Variants in TRAK1 observed in about 807,000 individuals in gnomAD.
TRAK1 encodes the protein trafficking kinesin protein 1, also known as trafficking kinesin-binding protein 1.
Under a neutral mutation model 92.1 loss-of-function variants are expected in TRAK1, and 33 were observed. The ratio of observed to expected loss-of-function variants is 0.36; its 90% CI spans 0.27 to 0.48. The LOEUF is 0.48. TRAK1 is among the 20% of genes least tolerant of loss of function. The pLI is 0.99. For synonymous variants in TRAK1, 521 were observed against 517.3 expected (o/e 1.01, Z -0.10); for missense variants, 1,123 against 1,257.9 (o/e 0.89, Z 1.62).
intron 1 of TRAK1, among the ~76,000 whole-genome samples, chr3:42,118,146 C>T (rs1487453339): frequency 3.3e-5 from 5 of 151,718 alleles, no homozygotes; most frequent in South Asian, 2.1e-4. Context: ...TGCAGTGCTG[C>T]GATCTTGGCT....
rs368713549 is a variant in TRAK1, at chr3:42,223,920, A to G, written c.*183A>G. 6.9e-6 allele frequency: 5 copies of G among 728,836 alleles called. No individual in the cohort carries two copies. Among genetic ancestry groups the G allele is most frequent in the Admixed American group, 2.7e-5 (1 of 37,474 alleles). The allele number at this position is 728,836 out of a possible 1,614,324, so 45.1% of individuals were successfully genotyped here. ...TGTGGAAACTTTGTAAAATGTGTAC[A>G]TAGGACTTGGAGACCTTGTGTCCGC... On this transcript the variant is annotated 3_prime_UTR_variant, in exon 16 of 16. Transcript: ENST00000327628. This position sits in a 1 kb window ranked among gnomAD's most constrained non-coding sequence, Gnocchi z 6.1.
intron 1 of TRAK1, among the ~76,000 whole-genome samples, chr3:42,047,301 T>A (rs1484618313): frequency 6.7e-6 from 1 of 149,844 alleles, no homozygotes; most frequent in African/African-American, 2.4e-5. Flanking sequence ...GCTCAAGTGA[T>A]CCTCCCACCT....
At chr3:42,157,487 A>AAAAAAAAAAAAAAAAAAT (rs1700690997) in intron 2 of TRAK1, among the ~76,000 whole-genome samples, 1 of 146,568 alleles carries the variant, frequency 6.8e-6, no homozygotes, top group South Asian at 2.2e-4. Flanking sequence ...AAAAAAAAAA[A>AAAAAAAAAAAAAAAAAAT]AAGGTTAACA....
At chr3:42,086,953 G>A (rs1254858860), upstream of TRAK1, among the ~76,000 whole-genome samples, 2 of 152,172 alleles carry the variant, frequency 1.3e-5, no homozygotes, top group Non-Finnish European at 2.9e-5. Flanking sequence ...TTGAAACTAA[G>A]CAATGTGATT....
At chr3:42,034,361 G>A (rs904174616) in intron 1 of TRAK1, among the ~76,000 whole-genome samples, 4 of 152,052 alleles carry the variant, frequency 2.6e-5, no homozygotes, top group African/African-American at 9.7e-5. Context: ...GCACAATCAC[G>A]GCTCACTGCA....
At chr3:42,095,035 C>G (rs1705699849) in intron 1 of TRAK1, among the ~76,000 whole-genome samples, 1 of 152,242 alleles carries the variant, frequency 6.6e-6, no homozygotes, top group African/African-American at 2.4e-5. Context: ...CCTGCTTATT[C>G]ATGTTCATCT....
chr3:42,137,333 T>TAG (rs1391401376), intron 2 of TRAK1, among the ~76,000 whole-genome samples: 1 of 152,236 alleles, frequency 6.6e-6, no homozygotes, highest in Non-Finnish European at 1.5e-5. Context: ...AGATAGTACT[T>TAG]ACAAGCAATT....
chr3:42,184,031 A>C (rs774029985), intron 3 of TRAK1, among the ~76,000 whole-genome samples: 12 of 152,258 alleles, frequency 7.9e-5, no homozygotes, highest in Non-Finnish European at 1.8e-4. Flanking sequence ...TGGCAATTTT[A>C]TGCATAACGT....
At chr3:42,167,299 A>C (rs1296195307) in intron 2 of TRAK1, among the ~76,000 whole-genome samples, 1 of 152,176 alleles carries the variant, frequency 6.6e-6, no homozygotes, top group Non-Finnish European at 1.5e-5. Flanking sequence ...TTGAGTGTCA[A>C]CTGTGGCCCA....
intron 11 of TRAK1, among the ~76,000 whole-genome samples, chr3:42,199,726 T>C (rs1324367377): frequency 1.3e-5 from 2 of 152,210 alleles, no homozygotes; most frequent in African/African-American, 4.8e-5. Context: ...CCCAAAGTGT[T>C]GGGATTACAG....
At chr3:42,055,987 C>A (rs962413723) in intron 1 of TRAK1, among the ~76,000 whole-genome samples, 1 of 152,146 alleles carries the variant, frequency 6.6e-6, no homozygotes, top group African/African-American at 2.4e-5. Flanking sequence ...TCAGAGTTCA[C>A]CCATGTTGTA....
At chr3:42,037,573 A>G (rs190197032) in intron 1 of TRAK1, among the ~76,000 whole-genome samples, 2 of 152,374 alleles carry the variant, frequency 1.3e-5, no homozygotes, top group Admixed American at 6.5e-5. Context: ...ACAAATGTCA[A>G]ATTGTAACTC....
chr3:42,132,244 GTT>G (rs113813133), intron 2 of TRAK1, among the ~76,000 whole-genome samples: 68,272 of 138,346 alleles, frequency 0.49, 16,554 homozygotes, highest in South Asian at 0.61. Flanking sequence ...TATGTTTTTT[GTT>G]TTTTTTTTTT....
chr3:42,204,289 A>G (rs1401620255), intron 13 of TRAK1: 3 of 963,706 alleles, frequency 3.1e-6, no homozygotes, highest in African/African-American at 1.8e-5. Context: ...TCTGTGTTTC[A>G]TTAGATCATC....
At chr3:42,137,503 G>A (rs1294732202) in intron 2 of TRAK1, among the ~76,000 whole-genome samples, 1 of 152,222 alleles carries the variant, frequency 6.6e-6, no homozygotes, top group Non-Finnish European at 1.5e-5. Context: ...TAATGGTCAG[G>A]AAGGTGATGA....
intron 10 of TRAK1, among the ~76,000 whole-genome samples, chr3:42,195,622 C>G (rs970854724): frequency 6.6e-6 from 1 of 152,014 alleles, no homozygotes; most frequent in African/African-American, 2.4e-5. Context: ...TGTTGTCTGG[C>G]CCACCTTCCC....
chr3:42,059,067 A>G (rs1183773984), intron 1 of TRAK1, among the ~76,000 whole-genome samples: 1 of 152,014 alleles, frequency 6.6e-6, no homozygotes, highest in African/African-American at 2.4e-5. Flanking sequence ...CATACGTATG[A>G]TATAAGTAGG....
chr3:42,083,075 G>T (rs1054656607), upstream of TRAK1, among the ~76,000 whole-genome samples: 1 of 152,148 alleles, frequency 6.6e-6, no homozygotes, highest in African/African-American at 2.4e-5. Context: ...AGTAAATTTT[G>T]TCAGGCTGTT....
chr3:42,105,609 A>T (rs1474701451), intron 1 of TRAK1, among the ~76,000 whole-genome samples: 2 of 152,352 alleles, frequency 1.3e-5, no homozygotes, highest in East Asian at 3.9e-4. Flanking sequence ...GATATTATCC[A>T]GGAGAACTTC....
Sources: gnomAD v4.1 joint callset for allele counts (sites outside exome capture counted in the v4.1 genomes callset) on GRCh38, gnomAD v4.1.1 for gene constraint, Gnocchi (gnomAD v3.1) non-coding constraint, MANE v1.5 for transcripts, NCBI Gene and HGNC (gene_info 2026-07-23, HGNC 2026-07-21) for gene names.